The following IFT81 variants were observed in gnomAD, a reference collection of about 807,000 sequenced individuals.
IFT81 encodes the protein intraflagellar transport protein 81 homolog.
Under a neutral mutation model 102.6 loss-of-function variants are expected in IFT81, and 72 were observed. The observed-to-expected ratio is 0.70, with a 90% CI of 0.58 to 0.85. The LOEUF is 0.85. IFT81 is among the 40% of genes least tolerant of loss of function. The pLI is 0.00. For missense variants in IFT81, 723 were observed against 787.3 expected, an observed-to-expected ratio of 0.92 and a Z score of 0.98; for synonymous variants, 237 against 242.7, an observed-to-expected ratio of 0.98 and a Z score of 0.22.
At chr12:110,181,617 T>A (rs1177264351) in intron 12 of IFT81, among the ~76,000 whole-genome samples, 1 of 152,214 alleles carries the variant, frequency 6.6e-6, no homozygotes, top group African/African-American at 2.4e-5. Flanking sequence ...AATATGTCAA[T>A]TCAGTCAGTA....
intron 4 of IFT81, among the ~76,000 whole-genome samples, chr12:110,131,291 C>CA (rs1273921716): frequency 1.2e-4 from 18 of 149,936 alleles, no homozygotes; most frequent in Admixed American, 6.6e-4. Context: ...TCAAAAACAA[C>CA]AAAAAAAAAC....
chr12:110,126,620 A>G (rs1006061989), intron 1 of IFT81, among the ~76,000 whole-genome samples: 1 of 152,222 alleles, frequency 6.6e-6, no homozygotes, highest in Admixed American at 6.5e-5. Context: ...AAAGTTGGAA[A>G]GGGATAAGTT....
chr12:110,161,355 C>A (rs1485735232), intron 10 of IFT81, among the ~76,000 whole-genome samples: 2 of 151,894 alleles, frequency 1.3e-5, no homozygotes, highest in Admixed American at 1.3e-4. Context: ...ACCATGTTGA[C>A]CAGGCTGGTC....
rs747792608 is a variant in IFT81, at chr12:110,209,271, A to G, written c.1848+55A>G. ...TGTCTAACTGATTCAGGCTTTCAGT[A>G]CTGTACATGGTTTATGACTGTCATT... On this transcript the variant is annotated intron_variant, in intron 18 of 18. Transcript: ENST00000242591. 56 of 855,630 alleles carry G rather than the reference A, an allele frequency of 6.5e-5. 1 individual carries two copies. The highest frequency in any genetic ancestry group is 9.7e-5 in the Non-Finnish European group (51 of 527,568). 53.0% of individuals were successfully genotyped at this position (855,630 alleles called of 1,614,324 possible). A position where few individuals can be genotyped will look rare whatever the true frequency, so the allele number is the denominator to read the frequency against.
intron 9 of IFT81, among the ~76,000 whole-genome samples, chr12:110,145,435 T>G (rs931565342): frequency 7.3e-5 from 11 of 151,112 alleles, no homozygotes; most frequent in African/African-American, 1.5e-4. Flanking sequence ...ACTGTTTTGG[T>G]TTTTTTTGTT....
chr12:110,185,741 G>A (rs1170110346), intron 12 of IFT81, among the ~76,000 whole-genome samples: 2 of 151,912 alleles, frequency 1.3e-5, no homozygotes, highest in East Asian at 3.8e-4. Context: ...CTACAGGCGT[G>A]CACTACCACA....
chr12:110,194,428 CA>C (rs1897919904), intron 14 of IFT81, among the ~76,000 whole-genome samples: 2 of 151,436 alleles, frequency 1.3e-5, no homozygotes, highest in Admixed American at 1.3e-4. Flanking sequence ...CTGAAATATT[CA>C]TTTTTTTTTT....
chr12:110,170,640 A>AT (rs143303762), intron 11 of IFT81, among the ~76,000 whole-genome samples: 1,984 of 152,126 alleles, frequency 0.013, 18 homozygotes, highest in South Asian at 0.028. Context: ...TGGGATCTGA[A>AT]TTTTTTTTAT....
At chr12:110,153,972 A>G (rs1895690422) in intron 10 of IFT81, among the ~76,000 whole-genome samples, 1 of 151,660 alleles carries the variant, frequency 6.6e-6, no homozygotes, top group South Asian at 2.1e-4. Context: ...CATCAGGACC[A>G]GGGCTTTTCT....
At chr12:110,127,770 T>G (rs564385129) in intron 2 of IFT81, among the ~76,000 whole-genome samples, 1 of 152,268 alleles carries the variant, frequency 6.6e-6, no homozygotes, top group Non-Finnish European at 1.5e-5. Context: ...AAAATTCTTT[T>G]ACAAAAGGTT....
intron 12 of IFT81, among the ~76,000 whole-genome samples, chr12:110,181,506 T>G (rs1897312838): frequency 6.6e-6 from 1 of 152,226 alleles, no homozygotes; most frequent in South Asian, 2.1e-4. Flanking sequence ...CTGTGAAATT[T>G]GTAGTCTTGC....
intron 5 of IFT81, among the ~76,000 whole-genome samples, chr12:110,132,862 T>C (rs117437491): frequency 2.0e-5 from 3 of 152,262 alleles, no homozygotes; most frequent in East Asian, 3.9e-4. Flanking sequence ...AAGAGTGATA[T>C]ATGTCCATCT....
chr12:110,161,824 T>G (rs1896150600), intron 10 of IFT81, among the ~76,000 whole-genome samples: 1 of 152,168 alleles, frequency 6.6e-6, no homozygotes, highest in African/African-American at 2.4e-5. Context: ...TCTTTTCATT[T>G]TCTTAAAAAA....
chr12:110,137,576 G>C lies in IFT81; in HGVS notation c.781+716G>C, dbSNP rs1211455261. 1.3e-5 allele frequency among the ~76,000 whole-genome samples: 2 copies of C among 151,622 alleles called. 1 individual carries two copies. Among genetic ancestry groups the C allele is most frequent in the Admixed American group, 1.3e-4 (2 of 15,158 alleles). ...TGGTGAAACCCTGTTTCTACTAAAA[G>C]TACAAAAAAATTAGCTGGGCATGAT... is the stretch of plus-strand genomic sequence containing the variant. On this transcript the variant is annotated intron_variant, in intron 8 of 18. Coordinates refer to ENST00000242591, the MANE Select transcript of IFT81 (RefSeq NM_014055.4).
chr12:110,179,773 T>TACAC (rs34207126), intron 11 of IFT81, among the ~76,000 whole-genome samples: 3,924 of 49,774 alleles, frequency 0.079, 434 homozygotes, highest in Non-Finnish European at 0.11. Flanking sequence ...TATATATATA[T>TACAC]ACACACACAC....
intron 4 of IFT81, 105 bp from the exon 5 acceptor site, chr12:110,132,441 CA>C (rs1241399377): frequency 6.5e-6 from 3 of 458,088 alleles, no homozygotes; most frequent in Admixed American, 5.1e-5. Flanking sequence ...GGCTGGGCGA[CA>C]GAGCAAGAGT....
At chr12:110,175,718 C>T (rs1897005639) in intron 11 of IFT81, among the ~76,000 whole-genome samples, 1 of 152,132 alleles carries the variant, frequency 6.6e-6, no homozygotes, top group African/African-American at 2.4e-5. Context: ...ATATCTCCCT[C>T]TCTACTTCCT....
At chr12:110,199,679 G>C (rs1593365925) in intron 14 of IFT81, among the ~76,000 whole-genome samples, 2 of 152,264 alleles carry the variant, frequency 1.3e-5, no homozygotes, top group East Asian at 3.9e-4. Context: ...GTGTCTGTAA[G>C]GTCACTTTGA....
intron 10 of IFT81, among the ~76,000 whole-genome samples, chr12:110,155,849 A>AT (rs1895809696): frequency 6.6e-6 from 1 of 151,488 alleles, no homozygotes; most frequent in African/African-American, 2.4e-5. Flanking sequence ...TTCTATAGCT[A>AT]TTTTCTTTGT....
Sources: gnomAD v4.1 joint callset for allele counts (sites outside exome capture counted in the v4.1 genomes callset) on GRCh38, gnomAD v4.1.1 for gene constraint, MANE v1.5 for transcripts, NCBI Gene and HGNC (gene_info 2026-07-23, HGNC 2026-07-21) for gene names.